ASAP1: variants seen among roughly 807,000 people sequenced by gnomAD.
ASAP1 encodes the protein ArfGAP with SH3 domain, ankyrin repeat and PH domain 1, also known as arf-GAP with SH3 domain, ANK repeat and PH domain-containing protein 1.
A neutral mutation model predicts 145.2 loss-of-function variants in ASAP1; 43 were observed. That is an observed-to-expected ratio of 0.30 (90% confidence interval 0.23 to 0.38). The LOEUF (loss-of-function observed/expected upper bound fraction) is 0.38, where lower values mean the gene tolerates loss of function less well. ASAP1 is among the 10% of genes least tolerant of loss of function. The probability of loss-of-function intolerance (pLI) is 1.00; values close to 1 mark genes in which losing one functional copy is unlikely to be tolerated. For synonymous variants in ASAP1, 546 were observed against 515.5 expected (o/e 1.06, Z -0.80); for missense variants, 1,018 against 1,355.3 (o/e 0.75, Z 3.91).
intron 3 of ASAP1, among the ~76,000 whole-genome samples, chr8:130,300,818 G>GGA (rs1370962224): frequency 6.6e-6 from 1 of 152,222 alleles, no homozygotes; most frequent in Non-Finnish European, 1.5e-5. Context: ...AAAGAAGGAA[G>GGA]GAGACATCAT....
intron 3 of ASAP1, among the ~76,000 whole-genome samples, chr8:130,294,425 G>A (rs1822134052): frequency 6.6e-6 from 1 of 152,176 alleles, no homozygotes; most frequent in African/African-American, 2.4e-5. Flanking sequence ...TGAGAAGTGT[G>A]ATACAGTAGA....
chr8:130,192,930 C>G (rs1815238497), intron 5 of ASAP1, among the ~76,000 whole-genome samples: 2 of 152,172 alleles, frequency 1.3e-5, no homozygotes, highest in Non-Finnish European at 2.9e-5. Flanking sequence ...CAATAGGGCA[C>G]TGGCTAAATA....
At chr8:130,230,467 G>C (rs1443698813) in intron 4 of ASAP1, among the ~76,000 whole-genome samples, 1 of 152,026 alleles carries the variant, frequency 6.6e-6, no homozygotes, top group Non-Finnish European at 1.5e-5. Flanking sequence ...CATAATTTAA[G>C]GAGTAATGCT....
intron 3 of ASAP1, among the ~76,000 whole-genome samples, chr8:130,274,440 C>G (rs895801430): frequency 1.3e-5 from 2 of 152,108 alleles, no homozygotes; most frequent in African/African-American, 2.4e-5. Flanking sequence ...TGGTAAAGAA[C>G]CAGGCTGAAG....
At chr8:130,438,636 AT>A (rs1195884589) in intron 1 of ASAP1, among the ~76,000 whole-genome samples, 2 of 152,116 alleles carry the variant, frequency 1.3e-5, no homozygotes, top group East Asian at 3.9e-4. Context: ...GGTAAATTTA[AT>A]TTTTTTCAAG....
chr8:130,335,912 G>C (rs1161644519), intron 3 of ASAP1, among the ~76,000 whole-genome samples: 1 of 152,146 alleles, frequency 6.6e-6, no homozygotes, highest in Non-Finnish European at 1.5e-5. Context: ...ATAAGTTTCA[G>C]GACACTAAAA....
chr8:130,325,944 A>G (rs1477594687), intron 3 of ASAP1, among the ~76,000 whole-genome samples: 1 of 152,184 alleles, frequency 6.6e-6, no homozygotes, highest in Non-Finnish European at 1.5e-5. Context: ...GAAATTTTCT[A>G]TTGTCTTCAC....
At chr8:130,301,766 C>T (rs896879195) in intron 3 of ASAP1, among the ~76,000 whole-genome samples, 4 of 152,212 alleles carry the variant, frequency 2.6e-5, no homozygotes, top group Admixed American at 6.5e-5. Flanking sequence ...TAATACAACA[C>T]GACTGTCTTT....
chr8:130,272,137 C>A (rs957074709), intron 3 of ASAP1, among the ~76,000 whole-genome samples: 1 of 151,910 alleles, frequency 6.6e-6, no homozygotes, highest in African/African-American at 2.4e-5. Flanking sequence ...GCACTACAGC[C>A]TAGGGGACAG....
intron 25 of ASAP1, chr8:130,082,898 C>T (rs1208042019): frequency 6.6e-6 from 1 of 151,974 alleles, no homozygotes; most frequent in Admixed American, 6.6e-5. Context: ...AATGATGAGT[C>T]TTCAGGGCTA....
chr8:130,108,065 T>A (rs2097540578), intron 24 of ASAP1, among the ~76,000 whole-genome samples: 2 of 152,184 alleles, frequency 1.3e-5, no homozygotes, highest in South Asian at 2.1e-4. Flanking sequence ...AAGGGTAGCA[T>A]CTGGTTCAAT....
At chr8:130,215,748 C>A (rs1483638612) in intron 4 of ASAP1, among the ~76,000 whole-genome samples, 1 of 151,262 alleles carries the variant, frequency 6.6e-6, no homozygotes, top group African/African-American at 2.4e-5. Flanking sequence ...TGTCTCAAAA[C>A]AACAACAACA....
chr8:130,111,210 CA>C (rs768575084), intron 24 of ASAP1, among the ~76,000 whole-genome samples: 3,478 of 41,550 alleles, frequency 0.084, 24 homozygotes, highest in Middle Eastern at 0.21. Context: ...TCATCTCTAC[CA>C]AAAAAAAAAA....
intron 3 of ASAP1, among the ~76,000 whole-genome samples, chr8:130,342,365 A>T (rs554475446): frequency 6.6e-6 from 1 of 152,324 alleles, no homozygotes; most frequent in African/African-American, 2.4e-5. Flanking sequence ...TCCTCAGAAC[A>T]TCCAGTAACA....
chr8:130,385,777 T>C (rs1473969288), intron 2 of ASAP1, among the ~76,000 whole-genome samples: 1 of 152,216 alleles, frequency 6.6e-6, no homozygotes, highest in Non-Finnish European at 1.5e-5. Flanking sequence ...TAACTCTCCC[T>C]ACATCCAGTT....
chr8:130,320,712 T>C (rs1485228296), intron 3 of ASAP1, among the ~76,000 whole-genome samples: 2 of 151,980 alleles, frequency 1.3e-5, no homozygotes, highest in Admixed American at 1.3e-4. Flanking sequence ...CATTCCTCTC[T>C]AGTATCACAT....
intron 18 of ASAP1, among the ~76,000 whole-genome samples, chr8:130,120,483 A>T (rs1244134884): frequency 1.3e-5 from 2 of 152,214 alleles, no homozygotes; most frequent in African/African-American, 4.8e-5. Flanking sequence ...GTAAGGAACA[A>T]AGAGGGATGC....
At chr8:130,103,855 T>C (rs2097532821) in intron 24 of ASAP1, among the ~76,000 whole-genome samples, 1 of 152,200 alleles carries the variant, frequency 6.6e-6, no homozygotes, top group Non-Finnish European at 1.5e-5. Context: ...GCTATGAACT[T>C]CCTTTTTAGT....
intron 13 of ASAP1, among the ~76,000 whole-genome samples, chr8:130,150,716 A>C (rs1424388401): frequency 6.6e-6 from 1 of 152,062 alleles, no homozygotes; most frequent in East Asian, 1.9e-4. Flanking sequence ...CTACCTCTAC[A>C]AAAAAATACC....
Sources: allele counts gnomAD v4.1 joint callset (sites outside exome capture counted in the v4.1 genomes callset), GRCh38; gene constraint gnomAD v4.1.1; transcripts MANE v1.5; gene names NCBI Gene and HGNC (gene_info 2026-07-23, HGNC 2026-07-21).